DHX57: variants seen among roughly 807,000 people sequenced by gnomAD.
DHX57 encodes the protein putative ATP-dependent RNA helicase DHX57.
In DHX57, 105 loss-of-function variants were observed where a neutral mutation model predicts 156.2. That is an observed-to-expected ratio of 0.67 (90% CI 0.57 to 0.79). DHX57 has a LOEUF of 0.79. Among genes scored for constraint, DHX57 ranks in the 30% least tolerant of loss-of-function variants. The pLI is 0.00. For synonymous variants in DHX57, 704 were observed against 595.6 expected (o/e 1.18, Z -2.65); for missense variants, 1,847 against 1,661.9 (o/e 1.11, Z -1.94).
At chr2:38,826,165 T>C in intron 15 of DHX57, 118 bp from the exon 16 acceptor site, 3 of 1,077,690 alleles carry the variant, frequency 2.8e-6, no homozygotes, top group South Asian at 1.7e-5. Flanking sequence ...GTGCCCTGTA[T>C]ATTCTGGGAT....
In DHX57 at chr2:38,837,875, G is replaced by C; in HGVS notation, c.2498C>G (p.Ala833Gly). The change falls in exon 13 of 24, where the codon GCC (alanine) becomes GGC (glycine). Residue 833 changes from alanine to glycine, a missense_variant. Transcript: ENST00000457308. ...TCCATCCACAATCCACTCTAATAAG[G>C]CCTCTATTAATTCAAGATTCACCTT... is the stretch of plus-strand genomic sequence containing the variant. The part of the protein sequence containing the change: ...FEKVNLELIE[A>G]LLEWIVDGKH... The C allele has an allele frequency of 6.2e-7, 1 of 1,613,366 alleles. No individual in the cohort carries two copies. The highest frequency in any genetic ancestry group is 1.3e-5 in the African/African-American group (1 of 74,978).
intron 1 of DHX57, among the ~76,000 whole-genome samples, chr2:38,869,977 C>A (rs1665277588): frequency 6.6e-6 from 1 of 151,944 alleles, no homozygotes; most frequent in South Asian, 2.1e-4. Context: ...AATGTCATAT[C>A]AAATTGAGAA....
At chr2:38,848,231 AT>A (rs1428477822) in intron 10 of DHX57, 37 bp downstream of exon 10, 1 of 1,533,482 alleles carries the variant, frequency 6.5e-7, no homozygotes, top group Non-Finnish European at 8.8e-7. Context: ...ATATTTGCTT[AT>A]TAGAATGATA....
intron 1 of DHX57, among the ~76,000 whole-genome samples, chr2:38,869,140 T>G (rs1665233900): frequency 6.6e-6 from 1 of 152,236 alleles, no homozygotes; most frequent in South Asian, 2.1e-4. Context: ...GAAGTTTTCA[T>G]GTATTTAATA....
At chr2:38,855,008 C>T in intron 8 of DHX57, 49 bp downstream of exon 8, 1 of 1,611,888 alleles carries the variant, frequency 6.2e-7, no homozygotes, top group Non-Finnish European at 8.5e-7. Flanking sequence ...CTTTTTATAC[C>T]TAAAAACCAT....
intron 12 of DHX57, among the ~76,000 whole-genome samples, chr2:38,840,397 T>A (rs1315982856): frequency 6.6e-6 from 1 of 151,674 alleles, no homozygotes; most frequent in African/African-American, 2.4e-5. Context: ...TTTTTTTTTT[T>A]TGAGATGGAG....
rs1431382816 is a variant in DHX57 at position 38,875,885 on chromosome 2, G to A, written c.-105C>T. On this transcript the variant is annotated 5_prime_UTR_variant, in exon 1 of 24. Coordinates refer to ENST00000457308, the MANE Select transcript of DHX57 (RefSeq NM_198963.3). Reference sequence around the variant, plus strand: ...TGGCCACCCTCACGATTCTCACTTGGAGCAGCCCTGCGGTGGCCCAGCTGC... The same window carrying A: ...TGGCCACCCTCACGATTCTCACTTGAAGCAGCCCTGCGGTGGCCCAGCTGC... The A allele has an allele frequency of 4.3e-5, 17 of 395,986 alleles. No homozygotes were observed. Among genetic ancestry groups the A allele is most frequent in the Non-Finnish European group, 7.6e-5 (17 of 225,092 alleles). The allele number at this position is 395,986 out of a possible 1,614,324, so 24.5% of individuals were successfully genotyped here. A position where few individuals can be genotyped will look rare whatever the true frequency, so the allele number is the denominator to read the frequency against.
chr2:38,835,451 A>G (rs768108964), intron 13 of DHX57, among the ~76,000 whole-genome samples: 3 of 152,188 alleles, frequency 2.0e-5, no homozygotes, highest in East Asian at 1.9e-4. Flanking sequence ...GGTTCCATCA[A>G]TGCTTTGTCC....
intron 16 of DHX57, among the ~76,000 whole-genome samples, chr2:38,824,344 G>A (rs1670984471): frequency 6.6e-6 from 1 of 152,154 alleles, no homozygotes; most frequent in South Asian, 2.1e-4. Context: ...GGTTGCCAGG[G>A]GCTGGACATG....
intron 13 of DHX57, among the ~76,000 whole-genome samples, chr2:38,833,047 G>T (rs1309738355): frequency 6.9e-6 from 1 of 145,748 alleles, no homozygotes; most frequent in Non-Finnish European, 1.5e-5. Flanking sequence ...GAGCCACTGT[G>T]CCTGGCCGAA....
chr2:38,847,127 T>A (rs752009308), intron 10 of DHX57, 54 bp from the exon 11 acceptor site: 22 of 1,359,356 alleles, frequency 1.6e-5, no homozygotes, highest in Non-Finnish European at 2.3e-5. Context: ...TTCAACCATC[T>A]TGAAATAGTT....
In DHX57 at chr2:38,809,709, C is replaced by T. The variant is rs188425489; in HGVS notation, c.3682-3016G>A. The stretch of plus-strand genomic sequence containing the variant: ...TGAACTCCTGACCTTGTGATCCACC[C>T]TCCTCGGCCTCCCAAAGTGCTGGGA... On this transcript the variant is annotated intron_variant, in intron 21 of 23. Coordinates refer to ENST00000457308, the MANE Select transcript of DHX57 (RefSeq NM_198963.3). 4.0e-3 allele frequency among the ~76,000 whole-genome samples: 612 copies of T among 152,128 alleles called. 2 individuals carry two copies. The highest frequency in any genetic ancestry group is 0.014 in the African/African-American group (579 of 41,500).
intron 12 of DHX57, among the ~76,000 whole-genome samples, chr2:38,839,464 C>CA (rs1671862790): frequency 1.3e-5 from 2 of 151,484 alleles, no homozygotes; most frequent in East Asian, 2.0e-4. Context: ...GTAATCCCAG[C>CA]ACTTTGGGAG....
At chr2:38,854,770 C>G (rs184484216) in intron 8 of DHX57, 1 of 267,280 alleles carries the variant, frequency 3.7e-6, no homozygotes, top group Non-Finnish European at 7.3e-6. Flanking sequence ...CCATGTTGGT[C>G]AGGCTGGTCT....
chr2:38,873,809 T>A (rs1335413538), intron 1 of DHX57, among the ~76,000 whole-genome samples: 1 of 152,158 alleles, frequency 6.6e-6, no homozygotes, highest in Non-Finnish European at 1.5e-5. Flanking sequence ...TATTATAACT[T>A]AAGTGCTATC....
Position 38,862,242 on chromosome 2 carries a change from G to T in DHX57, c.475C>A (p.Pro159Thr), listed in dbSNP as rs771662502. The change falls in exon 4 of 24, where the codon CCC (proline) becomes ACC (threonine). Residue 159 changes from proline (P) to threonine (T), a missense_variant. Pro to Thr is a conservative substitution (Grantham distance 38). Transcript: ENST00000457308. The stretch of plus-strand genomic sequence containing the variant: ...GCATATTCCAAAGGATCCAAGTCGG[G>T]AACGAGGGAAGGTTCCTGTCCAGCT... The part of the protein sequence containing the change: ...WPAGQEPSLV[P>T]DLDPLEYAGL... 1 of 1,613,922 alleles carries T rather than the reference G, an allele frequency of 6.2e-7. No homozygotes were observed.
In DHX57 at chr2:38,802,887, A is replaced by T; in HGVS notation, c.3845T>A (p.Leu1282Ter). Residue 1282 changes from leucine to a stop codon, truncating the protein, a stop_gained, in exon 23 of 24, where the codon TTG becomes TAG. Coordinates refer to ENST00000457308, the MANE Select transcript of DHX57 (RefSeq NM_198963.3). LOFTEE classifies it high-confidence loss of function. ...QVRHFDSPYLLYHEKIKTSRV... is the reference protein window; with the variant it reads ...QVRHFDSPYL ...ACTAGTTTTTATCTTCTCGTGGTAC[A>T]ACAGGTAGGGGCTGTCAAAGTGTCT... 1 of 1,614,160 alleles carries T rather than the reference A, an allele frequency of 6.2e-7. No individual in the cohort carries two copies. The highest frequency in any genetic ancestry group is 8.5e-7 in the Non-Finnish European group (1 of 1,180,016).
chr2:38,858,459 T>C (rs1195587740), intron 6 of DHX57, among the ~76,000 whole-genome samples: 1 of 152,210 alleles, frequency 6.6e-6, no homozygotes, highest in Non-Finnish European at 1.5e-5. Context: ...TATGTGTGTG[T>C]TTGCTATGTA....
chr2:38,837,945 C>A lies in DHX57; in HGVS notation c.2428G>T (p.Val810Phe). Reference sequence around the variant, plus strand: ...ATTGTTTTGATGACTGACTTGCTAACCCCTGAAAGAAAGAAAGGTAAAAAT... The same window carrying A: ...ATTGTTTTGATGACTGACTTGCTAAACCCTGAAAGAAAGAAAGGTAAAAAT... ...FKQLLARYKG[V>F]SKSVIKTMSI... is the part of the protein sequence containing the mutation. Residue 810 changes from valine to phenylalanine, a missense_variant and splice_region_variant, in exon 13 of 24, where the codon GTT (valine) becomes TTT (phenylalanine). Transcript: ENST00000457308. 6.3e-7 allele frequency: 1 copy of A among 1,598,444 alleles called. No homozygotes were observed. The highest frequency in any genetic ancestry group is 1.3e-5 in the African/African-American group (1 of 74,642).
Sources: allele counts gnomAD v4.1 joint callset (sites outside exome capture counted in the v4.1 genomes callset), GRCh38; gene constraint gnomAD v4.1.1; transcripts MANE v1.5; gene names NCBI Gene and HGNC (gene_info 2026-07-23, HGNC 2026-07-21).